TSNAX: variants seen among roughly 807,000 people sequenced by gnomAD.
The protein encoded by TSNAX is translin associated factor X.
TSNAX carries 12 observed loss-of-function variants against 33.0 expected under a neutral mutation model. That is an observed-to-expected ratio of 0.36 (90% confidence interval 0.23 to 0.59). The LOEUF (loss-of-function observed/expected upper bound fraction) is 0.59, where lower values mean the gene tolerates loss of function less well. Among genes scored for constraint, TSNAX ranks in the 20% least tolerant of loss-of-function variants. The pLI is 0.74. For missense variants in TSNAX, 267 were observed against 341.3 expected, an observed-to-expected ratio of 0.78 and a Z score of 1.72; for synonymous variants, 110 against 117.2, an observed-to-expected ratio of 0.94 and a Z score of 0.40.
intron 4 of TSNAX, among the ~76,000 whole-genome samples, chr1:231,545,271 G>A (rs912240776): frequency 3.9e-5 from 6 of 152,054 alleles, no homozygotes; most frequent in African/African-American, 1.4e-4. Context: ...TTGTTCTTTT[G>A]ACTTGAAGAT....
rs747682080 is a variant in TSNAX at position 231,528,773 on chromosome 1, C to T, written c.-38C>T. ...TCGCGCACTCCTCTTGCTCCAGGTC[C>T]TTCAGTCTCCGCTCGTCTCACCGTA... On this transcript the variant is annotated 5_prime_UTR_variant, in exon 1 of 6. Transcript: ENST00000366639. 8.7e-6 allele frequency: 14 copies of T among 1,613,932 alleles called. No homozygotes were observed. The highest frequency in any genetic ancestry group is 1.1e-5 in the Non-Finnish European group (13 of 1,179,986).
Position 231,552,177 on chromosome 1 carries a change from C to T in TSNAX, c.368-8951C>T, listed in dbSNP as rs547894194. ...GCAGGCACTTACAATCCCAGCTACT[C>T]GGGAGGCTGAGGCAGGAGAGAGAAT... On this transcript the variant is annotated intron_variant, in intron 4 of 5. Transcript: ENST00000366639. Among the ~76,000 whole-genome samples, 6 of 151,950 alleles carry T rather than the reference C, an allele frequency of 3.9e-5. No individual in the cohort carries two copies. In the South Asian group the frequency reaches 1.2e-3, roughly 32 times the overall value.
intron 4 of TSNAX, among the ~76,000 whole-genome samples, chr1:231,560,065 T>C (rs1032749380): frequency 1.0e-3 from 158 of 151,206 alleles, no homozygotes; most frequent in African/African-American, 3.7e-3. Context: ...CTGCAAGCTC[T>C]GCTTCCCGGG....
At position 231,565,016 on chromosome 1, in the gene TSNAX, T is replaced by A; in HGVS notation, c.*111T>A. 1 of 1,295,746 alleles carries A rather than the reference T, an allele frequency of 7.7e-7. No individual in the cohort carries two copies. Among genetic ancestry groups the A allele is most frequent in the South Asian group, 1.5e-5 (1 of 66,566 alleles). The allele number at this position is 1,295,746 out of a possible 1,614,324, so 80.3% of individuals were successfully genotyped here. A position where few individuals can be genotyped will look rare whatever the true frequency, so the allele number is the denominator to read the frequency against. ...ATTGTGGCTTTTACATAGAAACATA[T>A]TCAGTTGTACTTGTTTTAAATTGTA... is the stretch of plus-strand genomic sequence containing the variant. On this transcript the variant is annotated 3_prime_UTR_variant, in exon 6 of 6. Coordinates refer to ENST00000366639, the MANE Select transcript of TSNAX (RefSeq NM_005999.3).
chr1:231,548,913 A>G (rs1017791339), intron 4 of TSNAX, among the ~76,000 whole-genome samples: 1 of 152,244 alleles, frequency 6.6e-6, no homozygotes, highest in Non-Finnish European at 1.5e-5. Flanking sequence ...AAGGAAATAC[A>G]ATATAATATT....
intron 4 of TSNAX, among the ~76,000 whole-genome samples, chr1:231,543,516 C>T (rs1293450318): frequency 3.9e-5 from 6 of 152,052 alleles, no homozygotes; most frequent in Non-Finnish European, 1.5e-5. Flanking sequence ...GATTTTGGAC[C>T]ATTTCGGATT....
At chr1:231,546,114 C>T (rs1399514016) in intron 4 of TSNAX, among the ~76,000 whole-genome samples, 1 of 152,154 alleles carries the variant, frequency 6.6e-6, no homozygotes, top group Non-Finnish European at 1.5e-5. Flanking sequence ...TATATTTCTT[C>T]ATTATCTCTC....
At chr1:231,564,204 G>C (rs1290653319) in intron 5 of TSNAX, among the ~76,000 whole-genome samples, 1 of 152,166 alleles carries the variant, frequency 6.6e-6, no homozygotes, top group Non-Finnish European at 1.5e-5. Context: ...GTGCAATAAA[G>C]TTATTAAGCC....
At chr1:231,561,368 G>A in intron 5 of TSNAX, 113 bp downstream of exon 5, 1 of 900,646 alleles carries the variant, frequency 1.1e-6, no homozygotes. Flanking sequence ...TCTTTCTAAA[G>A]TATGGTTTTG....
intron 3 of TSNAX, 82 bp from the exon 4 acceptor site, chr1:231,542,399 C>T (rs1262249022): frequency 6.9e-7 from 1 of 1,452,506 alleles, no homozygotes; most frequent in Non-Finnish European, 9.5e-7. Context: ...AATATTTAGC[C>T]CTATGTTGAT....
rs1176724999 is a variant in TSNAX, at chr1:231,550,956, AAATGATTTGAGAATTATTGG to A, written c.367+8357_367+8376del. 4.5e-4 allele frequency among the ~76,000 whole-genome samples: 69 copies of A among 152,296 alleles called. 1 individual carries two copies. The highest frequency in any genetic ancestry group is 1.6e-3 in the African/African-American group (66 of 41,570). On this transcript the variant is annotated intron_variant, in intron 4 of 5. Transcript: ENST00000366639. Reference sequence around the variant, plus strand: ...TTCCAACAGCATCTAAAAAATTAAGAAATGATTTGAGAATTATTGGAATGATTTGAGGAATAATTTGTTAT... The same window carrying A: ...TTCCAACAGCATCTAAAAAATTAAGAAATGATTTGAGGAATAATTTGTTAT...
chr1:231,542,255 C>A lies in TSNAX; in HGVS notation c.237-226C>A, dbSNP rs1000630559. On this transcript the variant is annotated intron_variant, in intron 3 of 5. Transcript: ENST00000366639. ...TATCCATATATCATATTTTTATGAA[C>A]AAAATTTTTCTTATAGTAAACATAC... Among the ~76,000 whole-genome samples the A allele has an allele frequency of 8.5e-5, 13 of 152,212 alleles. 1 individual carries two copies. Among genetic ancestry groups the A allele is most frequent in the African/African-American group, 3.1e-4 (13 of 41,540 alleles).
intron 4 of TSNAX, among the ~76,000 whole-genome samples, chr1:231,547,624 C>G (rs764496892): frequency 2.1e-4 from 32 of 151,882 alleles, no homozygotes; most frequent in Non-Finnish European, 3.8e-4. Flanking sequence ...CTCCTGACCT[C>G]AACTGATCCA....
At chr1:231,554,889 T>C (rs565104515) in intron 4 of TSNAX, among the ~76,000 whole-genome samples, 58 of 152,350 alleles carry the variant, frequency 3.8e-4, no homozygotes, top group Non-Finnish European at 7.1e-4. Context: ...ATTTCTTAAC[T>C]TCTCTATGCC....
rs192289866 is a variant in TSNAX at position 231,563,723 on chromosome 1, G to C, written c.496-805G>C. ...AATTGTGCTAGGTAAGCTGGCAAAT[G>C]ACCAGGTCACTGAAATTGGGCAAGG... is the stretch of plus-strand genomic sequence containing the variant. On this transcript the variant is annotated intron_variant, in intron 5 of 5. Transcript: ENST00000366639. The C allele has an allele frequency of 6.0e-5, 9 of 149,194 alleles. 2 individuals carry two copies. The Admixed American group carries it at 6.1e-4, about 10-fold the overall frequency. 9.2% of individuals were successfully genotyped at this position (149,194 alleles called of 1,614,324 possible). A position where few individuals can be genotyped will look rare whatever the true frequency, so the allele number is the denominator to read the frequency against.
chr1:231,538,466 T>G (rs1375784330), intron 3 of TSNAX, among the ~76,000 whole-genome samples: 1 of 152,210 alleles, frequency 6.6e-6, no homozygotes, highest in East Asian at 1.9e-4. Context: ...CCATCTTTGC[T>G]TCTTTGTTTG....
chr1:231,546,780 C>G (rs1659942549), intron 4 of TSNAX, among the ~76,000 whole-genome samples: 1 of 152,180 alleles, frequency 6.6e-6, no homozygotes, highest in Middle Eastern at 3.2e-3. Context: ...CTTAGTTATT[C>G]ACAGATCCAT....
At chr1:231,538,449 C>T (rs978595680) in intron 3 of TSNAX, among the ~76,000 whole-genome samples, 1 of 152,180 alleles carries the variant, frequency 6.6e-6, no homozygotes, top group Non-Finnish European at 1.5e-5. Flanking sequence ...CTGAGGATCT[C>T]CATCTTCCAT....
chr1:231,541,018 C>G (rs764030991), intron 3 of TSNAX, among the ~76,000 whole-genome samples: 1 of 152,080 alleles, frequency 6.6e-6, no homozygotes, highest in Non-Finnish European at 1.5e-5. Flanking sequence ...TTTCTTGTCT[C>G]TCTTGCTTTT....
Sources: allele counts gnomAD v4.1 joint callset (sites outside exome capture counted in the v4.1 genomes callset), GRCh38; gene constraint gnomAD v4.1.1; transcripts MANE v1.5; gene names NCBI Gene and HGNC (gene_info 2026-07-23, HGNC 2026-07-21).